Variants in NOC3L observed in about 807,000 individuals in gnomAD.
NOC3L encodes the protein NOC3 like DNA replication regulator.
Under a neutral mutation model 102.5 loss-of-function variants are expected in NOC3L, and 85 were observed. That is an observed-to-expected ratio of 0.83 (90% CI 0.70 to 0.99). The LOEUF is 0.99. Ranked by LOEUF, NOC3L falls within the 50% of genes least tolerant of loss-of-function variation. NOC3L has a pLI of 0.00. For synonymous variants in NOC3L, 303 were observed against 309.4 expected (o/e 0.98, Z 0.22); for missense variants, 878 against 914.9 (o/e 0.96, Z 0.52).
In NOC3L at chr10:94,340,324, A is replaced by G. The variant is rs775182703; in HGVS notation, c.1732T>C (p.Leu578=). Residue 578 remains leucine, a synonymous_variant, in exon 16 of 21, where the codon TTG becomes CTG. Transcript: ENST00000371361. ...GQGDVLNIDP[L]KFYTHLYKTL... ...TTGTAGAGATGTGTGTAGAATTTCA[A>G]TGGATCAATATTCAGAACATCACCT... 5.6e-6 allele frequency: 9 copies of G among 1,613,238 alleles called. No individual in the cohort carries two copies. The highest frequency in any genetic ancestry group is 1.1e-5 in the South Asian group (1 of 91,028).
At chr10:94,324,491 AG>A in the NOC3L span, 1 of 1,614,214 alleles carries the variant, frequency 6.2e-7, no homozygotes, top group South Asian at 1.1e-5. Context: ...CTTCTGGATC[AG>A]GAGTGTGTGT....
chr10:94,324,768 C>T, the NOC3L span: 1 of 1,045,804 alleles, frequency 9.6e-7, no homozygotes, highest in Non-Finnish European at 1.5e-6. Context: ...TAGAGGGGAG[C>T]TCCTCAGCCC....
At chr10:94,329,797 A>AAC (rs2054136539), downstream of NOC3L, 2 of 150,376 alleles carry the variant, frequency 1.3e-5, no homozygotes, top group African/African-American at 4.9e-5. Context: ...AAAAAAAAAA[A>AAC]AAAAAAAAAA....
intron 9 of NOC3L, 29 bp downstream of exon 9, chr10:94,350,084 G>A: frequency 6.2e-7 from 1 of 1,609,812 alleles, no homozygotes; most frequent in Non-Finnish European, 8.5e-7. Context: ...TTCTAAGGAG[G>A]ACAGCAATAA....
intron 13 of NOC3L, among the ~76,000 whole-genome samples, chr10:94,342,542 A>C (rs555731575): frequency 3.4e-5 from 4 of 119,362 alleles, no homozygotes; most frequent in East Asian, 4.5e-4. Flanking sequence ...ATGCACACAC[A>C]TGCATGAAGA....
chr10:94,333,875 C>G lies in NOC3L; in HGVS notation c.*302G>C, dbSNP rs1678. 0.14 allele frequency: 25,724 copies of G among 184,184 alleles called. 2,019 individuals carry two copies. Among genetic ancestry groups the G allele is most frequent in the Middle Eastern group, 0.24 (112 of 458 alleles). The allele number at this position is 184,184 out of a possible 1,614,324, so 11.4% of individuals were successfully genotyped here. ...TATAGCAACTGCACTTCAGTAAGATCCAGTCCAAAGATTTTTTTAAAAAAC... is the reference window on the plus strand; with the variant it reads ...TATAGCAACTGCACTTCAGTAAGATGCAGTCCAAAGATTTTTTTAAAAAAC... On this transcript the variant is annotated 3_prime_UTR_variant, in exon 21 of 21. Transcript: ENST00000371361.
At chr10:94,337,355 T>A (rs2054231869) in intron 19 of NOC3L, among the ~76,000 whole-genome samples, 1 of 138,420 alleles carries the variant, frequency 7.2e-6, no homozygotes, top group Admixed American at 7.1e-5. Flanking sequence ...AACAGGGCCA[T>A]TCAAAAAAAA....
chr10:94,345,279 T>C (rs1468521669), intron 11 of NOC3L, among the ~76,000 whole-genome samples: 1 of 151,950 alleles, frequency 6.6e-6, no homozygotes, highest in Non-Finnish European at 1.5e-5. Context: ...TTTTCTATTA[T>C]TAAAGTTTTT....
downstream of NOC3L, chr10:94,332,664 C>T (rs1284718498): frequency 6.6e-6 from 1 of 152,044 alleles, no homozygotes; most frequent in Non-Finnish European, 1.5e-5. Context: ...TGTGATTCTC[C>T]ATATGTATAA....
the NOC3L span, among the ~76,000 whole-genome samples, chr10:94,326,783 A>G: frequency 1.3e-5 from 2 of 152,200 alleles, no homozygotes; most frequent in African/African-American, 4.8e-5. Context: ...TTTCTGACCA[A>G]TGGATTCACA....
intron 10 of NOC3L, among the ~76,000 whole-genome samples, chr10:94,347,471 T>C (rs1026849093): frequency 3.3e-5 from 5 of 152,332 alleles, no homozygotes; most frequent in African/African-American, 1.2e-4. Context: ...AGGGTTTTCC[T>C]ATGGCTGAGT....
chr10:94,338,523 T>A, intron 18 of NOC3L, 85 bp downstream of exon 18: 1 of 1,360,280 alleles, frequency 7.4e-7, no homozygotes, highest in Non-Finnish European at 9.7e-7. Flanking sequence ...TTAAGTACTC[T>A]GGCAATAACA....
chr10:94,349,432 A>G lies in NOC3L; in HGVS notation c.1129-54T>C, dbSNP rs747547708. On this transcript the variant is annotated intron_variant, in intron 9 of 20. Coordinates refer to ENST00000371361, the MANE Select transcript of NOC3L (RefSeq NM_022451.11). ...GTGTTTCTCAACCTTAGCACTACTG[A>G]CGTTTTGGGTAACAGAATTCTTTGT... 595 of 1,494,762 alleles carry G rather than the reference A, an allele frequency of 4.0e-4. 5 individuals are homozygous for G. The Middle Eastern group carries it at 5.0e-3, about 13-fold the overall frequency. The allele number at this position is 1,494,762 out of a possible 1,614,324, so 92.6% of individuals were successfully genotyped here.
At chr10:94,315,367 C>T in the NOC3L span, 2 of 455,684 alleles carry the variant, frequency 4.4e-6, no homozygotes, top group Non-Finnish European at 8.8e-6. Flanking sequence ...TGGCAGCTTT[C>T]TCTCATCACC....
chr10:94,360,056 G>A (rs940445065), intron 2 of NOC3L, among the ~76,000 whole-genome samples: 4 of 152,110 alleles, frequency 2.6e-5, no homozygotes, highest in South Asian at 4.1e-4. Flanking sequence ...GGTGGCTCAC[G>A]CCTGTAATCC....
At chr10:94,353,634 CA>C (rs543536272) in intron 6 of NOC3L, among the ~76,000 whole-genome samples, 1 of 152,164 alleles carries the variant, frequency 6.6e-6, no homozygotes, top group Non-Finnish European at 1.5e-5. Context: ...GACACACCTC[CA>C]AACTATATCA....
At chr10:94,318,676 A>G in the NOC3L span, among the ~76,000 whole-genome samples, 1 of 152,160 alleles carries the variant, frequency 6.6e-6, no homozygotes, top group South Asian at 2.1e-4. Context: ...GGCTAGAGGG[A>G]AGACAGGCTG....
downstream of NOC3L, chr10:94,330,067 T>C (rs979531347): frequency 1.3e-5 from 2 of 152,154 alleles, no homozygotes; most frequent in African/African-American, 4.8e-5. Context: ...GAAAACTGAG[T>C]TGCTGGTCTA....
intron 1 of NOC3L, 31 bp from the exon 2 acceptor site, chr10:94,361,903 C>T (rs1366518338): frequency 6.8e-7 from 1 of 1,473,416 alleles, no homozygotes; most frequent in Non-Finnish European, 9.4e-7. Context: ...TACTGCATAC[C>T]CAGAAACTTA....
Sources: allele counts gnomAD v4.1 joint callset (sites outside exome capture counted in the v4.1 genomes callset), GRCh38; gene constraint gnomAD v4.1.1; transcripts MANE v1.5; gene names NCBI Gene and HGNC (gene_info 2026-07-23, HGNC 2026-07-21).